RPGRIP1: variants seen among roughly 807,000 people sequenced by gnomAD.
The protein encoded by RPGRIP1 is RPGR interacting protein 1.
RPGRIP1 carries 128 observed loss-of-function variants against 157.9 expected under a neutral mutation model. That is an observed-to-expected ratio of 0.81 (90% CI 0.70 to 0.94). The LOEUF (loss-of-function observed/expected upper bound fraction) is 0.94, where lower values mean the gene tolerates loss of function less well. Ranked by LOEUF, RPGRIP1 falls within the 40% of genes least tolerant of loss-of-function variation. The pLI is 0.00. For synonymous variants in RPGRIP1, 554 were observed against 571.6 expected (o/e 0.97, Z 0.44); for missense variants, 1,486 against 1,545.8 (o/e 0.96, Z 0.65).
At chr14:21,294,886 C>G in intron 3 of RPGRIP1, 77 bp downstream of exon 3, 3 of 1,233,672 alleles carry the variant, frequency 2.4e-6, no homozygotes, top group Non-Finnish European at 2.1e-6. Context: ...GCTCTGTTGC[C>G]CAGGCTGGAA....
At chr14:21,284,570 A>C (rs1313629837) in intron 1 of RPGRIP1, among the ~76,000 whole-genome samples, 1 of 139,018 alleles carries the variant, frequency 7.2e-6, no homozygotes, top group East Asian at 2.2e-4. Flanking sequence ...TGAAGATGGA[A>C]TCTCTCTCTT....
chr14:21,324,626 A>T lies in RPGRIP1; in HGVS notation c.1771A>T (p.Lys591Ter), dbSNP rs1393803023. The T allele has an allele frequency of 1.2e-6, 2 of 1,613,168 alleles. No individual in the cohort carries two copies. Among genetic ancestry groups the T allele is most frequent in the Non-Finnish European group, 1.7e-6 (2 of 1,179,822 alleles). Reference protein sequence around the residue: ...SHDLPTSEQLKDVAYGTRPLS... With the variant: ...SHDLPTSEQL ...CTTTCTTTCCCCTCTAGAACAGCTC[A>T]AAGATGTTGCTTATGGCACCCGACC... The change falls in exon 15 of 25, where the codon AAA becomes TAA. Residue 591 changes from lysine to a stop codon, truncating the protein, a stop_gained. Transcript: ENST00000400017. LOFTEE classifies it high-confidence loss of function.
intron 3 of RPGRIP1, among the ~76,000 whole-genome samples, chr14:21,295,350 C>A (rs1435163807): frequency 6.6e-6 from 1 of 151,828 alleles, no homozygotes; most frequent in Non-Finnish European, 1.5e-5. Flanking sequence ...AGGAGAAAAG[C>A]CTGCAGGGGC....
At chr14:21,336,449 T>G (rs972558861) in intron 21 of RPGRIP1, among the ~76,000 whole-genome samples, 11 of 152,146 alleles carry the variant, frequency 7.2e-5, no homozygotes, top group African/African-American at 2.7e-4. Flanking sequence ...GTGAGAGGAT[T>G]GCTTGAGCCT....
At chr14:21,301,716 TAATAATAAA>T (rs745716081) in intron 4 of RPGRIP1, among the ~76,000 whole-genome samples, 21,155 of 121,478 alleles carry the variant, frequency 0.17, 1,985 homozygotes, top group African/African-American at 0.2. Context: ...ATAATAATAA[TAATAATAAA>T]AAATTAGCCA....
intron 21 of RPGRIP1, among the ~76,000 whole-genome samples, chr14:21,335,693 T>A (rs1044446342): frequency 1.1e-4 from 16 of 151,982 alleles, no homozygotes; most frequent in African/African-American, 3.6e-4. Context: ...TAGCCGGGCG[T>A]GGTGGCTGGC....
At chr14:21,327,569 C>A in intron 17 of RPGRIP1, 54 bp from the exon 18 acceptor site, 1 of 1,462,766 alleles carries the variant, frequency 6.8e-7, no homozygotes, top group Non-Finnish European at 9.6e-7. Context: ...CTGACAAATG[C>A]TCACTTGCTT....
At chr14:21,328,169 C>G (rs1883314364) in intron 18 of RPGRIP1, among the ~76,000 whole-genome samples, 1 of 144,550 alleles carries the variant, frequency 6.9e-6, no homozygotes, top group Non-Finnish European at 1.5e-5. Context: ...AACTCTGTCT[C>G]AAAAAAAAAA....
At chr14:21,340,114 A>G (rs56104451) in intron 21 of RPGRIP1, among the ~76,000 whole-genome samples, 7,066 of 152,236 alleles carry the variant, frequency 0.046, 279 homozygotes, top group East Asian at 0.13. Context: ...AGGCAAAGGA[A>G]TTGGTAAGTG....
chr14:21,312,913 GC>G (rs747408901), intron 10 of RPGRIP1, among the ~76,000 whole-genome samples: 36 of 151,984 alleles, frequency 2.4e-4, no homozygotes, highest in Non-Finnish European at 4.4e-4. Context: ...GCTTACTGCA[GC>G]CCCAGTCTCC....
chr14:21,347,867 A>T (rs1885721454), intron 23 of RPGRIP1, among the ~76,000 whole-genome samples: 1 of 152,152 alleles, frequency 6.6e-6, no homozygotes, highest in African/African-American at 2.4e-5. Flanking sequence ...CTGGGACTAT[A>T]GGTGTGTGCC....
At chr14:21,291,585 C>CA (rs1566666881) in intron 2 of RPGRIP1, among the ~76,000 whole-genome samples, 5 of 143,922 alleles carry the variant, frequency 3.5e-5, no homozygotes, top group Admixed American at 2.8e-4. Context: ...GATGAAGTAC[C>CA]TTTTTTTTTT....
chr14:21,333,430 G>A (rs1310844583), intron 20 of RPGRIP1, among the ~76,000 whole-genome samples: 1 of 152,164 alleles, frequency 6.6e-6, no homozygotes, highest in East Asian at 1.9e-4. Flanking sequence ...TTACAGAAGA[G>A]GCACAGCTTG....
intron 19 of RPGRIP1, among the ~76,000 whole-genome samples, chr14:21,329,798 C>T (rs181681598): frequency 2.7e-5 from 4 of 150,682 alleles, no homozygotes; most frequent in Non-Finnish European, 5.9e-5. Flanking sequence ...GCCCGGCCAA[C>T]GAGTACTAAC....
chr14:21,303,787 GAC>G (rs1881150792), intron 6 of RPGRIP1, among the ~76,000 whole-genome samples: 1 of 151,796 alleles, frequency 6.6e-6, no homozygotes, highest in African/African-American at 2.4e-5. Flanking sequence ...AGGAGTTCGA[GAC>G]CAGCCTCGCC....
chr14:21,336,436 G>C (rs562022248), intron 21 of RPGRIP1, among the ~76,000 whole-genome samples: 127 of 152,306 alleles, frequency 8.3e-4, no homozygotes, highest in African/African-American at 2.9e-3. Context: ...TTGGGAGGCT[G>C]AGGTGAGAGG....
Position 21,325,347 on chromosome 14 carries a change from C to T in RPGRIP1, c.2331C>T (p.Thr777=), listed in dbSNP as rs760801598. ...KRKKAQVYLS[T]DVLGGRKAQE... Reference sequence around the variant, plus strand: ...AGAAAGCCCAGGTCTACCTGTCAACCGATGTGCTTGGAGGCCGGAAGGCCC... The same window carrying T: ...AGAAAGCCCAGGTCTACCTGTCAACTGATGTGCTTGGAGGCCGGAAGGCCC... Residue 777 remains threonine, a synonymous_variant, in exon 16 of 25, where the codon ACC becomes ACT. Coordinates refer to ENST00000400017, the MANE Select transcript of RPGRIP1 (RefSeq NM_020366.4). 81 of 1,597,826 alleles carry T rather than the reference C, an allele frequency of 5.1e-5. No individual in the cohort carries two copies. The highest frequency in any genetic ancestry group is 6.5e-5 in the Non-Finnish European group (76 of 1,172,166).
chr14:21,318,343 C>G (rs8010980), intron 11 of RPGRIP1: 10 of 313,252 alleles, frequency 3.2e-5, no homozygotes. Flanking sequence ...AACTCCTGAC[C>G]TCAGATGATC....
intron 22 of RPGRIP1, 133 bp from the exon 23 acceptor site, chr14:21,344,980 C>T (rs1251983483): frequency 1.5e-6 from 1 of 650,452 alleles, no homozygotes; most frequent in Non-Finnish European, 2.8e-6. Flanking sequence ...GCAGTTGGTC[C>T]ATGTTATTCT....
Sources: gnomAD v4.1 joint callset for allele counts (sites outside exome capture counted in the v4.1 genomes callset) on GRCh38, gnomAD v4.1.1 for gene constraint, MANE v1.5 for transcripts, NCBI Gene and HGNC (gene_info 2026-07-23, HGNC 2026-07-21) for gene names.